Variants in BCL2L14 observed in about 807,000 individuals in gnomAD.
BCL2L14 encodes BCL2 like 14.
In BCL2L14, 27 loss-of-function variants were observed where a neutral mutation model predicts 35.3. The observed-to-expected ratio is 0.76, with a 90% CI of 0.56 to 1.05. The LOEUF (loss-of-function observed/expected upper bound fraction) is 1.05, where lower values mean the gene tolerates loss of function less well. Ranked by LOEUF, BCL2L14 falls within the 50% of genes least tolerant of loss-of-function variation. BCL2L14 has a pLI of 0.00. For synonymous variants in BCL2L14, 139 were observed against 145.9 expected (o/e 0.95, Z 0.34); for missense variants, 377 against 382.6 (o/e 0.99, Z 0.12).
chr12:12,057,511 A>T (rs938470569), intron 2 of BCL2L14, among the ~76,000 whole-genome samples: 7 of 152,146 alleles, frequency 4.6e-5, no homozygotes, highest in African/African-American at 7.2e-5. Flanking sequence ...TAATCCCAGC[A>T]CTTTGGGAGG....
chr12:12,057,755 T>TA (rs370379966), intron 2 of BCL2L14, among the ~76,000 whole-genome samples: 30,494 of 120,292 alleles, frequency 0.25, 4,220 homozygotes, highest in East Asian at 0.65. Context: ...AAAACTCCAT[T>TA]AAAAAAAAAA....
intron 2 of BCL2L14, among the ~76,000 whole-genome samples, chr12:12,063,875 A>G (rs972646402): frequency 1.3e-5 from 2 of 151,088 alleles, no homozygotes; most frequent in African/African-American, 4.9e-5. Flanking sequence ...AAGCTCCCCC[A>G]CTGAGTACCT....
intron 1 of BCL2L14, among the ~76,000 whole-genome samples, chr12:12,051,558 T>G (rs1257259065): frequency 2.1e-5 from 3 of 144,444 alleles, no homozygotes; most frequent in African/African-American, 7.3e-5. Context: ...ATTTACCCCC[T>G]GGTAACTTTC....
chr12:12,082,257 A>G (rs2136754615), intron 2 of BCL2L14, among the ~76,000 whole-genome samples: 1 of 152,306 alleles, frequency 6.6e-6, no homozygotes, highest in East Asian at 1.9e-4. Flanking sequence ...CTGCTCTCTG[A>G]ACTCTGCCCA....
intron 4 of BCL2L14, among the ~76,000 whole-genome samples, chr12:12,092,042 G>A (rs1480374875): frequency 3.3e-5 from 5 of 152,196 alleles, no homozygotes. Context: ...GCCAATACCA[G>A]TTAGCATTTC....
intron 5 of BCL2L14, 80 bp from the exon 6 acceptor site, chr12:12,098,870 G>T: frequency 9.7e-7 from 1 of 1,029,096 alleles, no homozygotes; most frequent in Non-Finnish European, 1.5e-6. Context: ...GCCTGGGATA[G>T]AGCAGAGTTA....
At chr12:12,077,779 A>C (rs1948816664) in intron 1 of BCL2L14, 1 of 210,246 alleles carries the variant, frequency 4.8e-6, no homozygotes, top group Non-Finnish European at 1.0e-5. Context: ...CCACAATCTG[A>C]ATTTGGGACT....
At chr12:12,089,462 G>A (rs889218984) in intron 3 of BCL2L14, among the ~76,000 whole-genome samples, 5 of 151,340 alleles carry the variant, frequency 3.3e-5, no homozygotes, top group East Asian at 1.9e-4. Flanking sequence ...TCGAGAGGCC[G>A]AGGCGGACGG....
At chr12:12,084,655 C>T (rs1264660171) in intron 2 of BCL2L14, among the ~76,000 whole-genome samples, 1 of 152,064 alleles carries the variant, frequency 6.6e-6, no homozygotes, top group African/African-American at 2.4e-5. Context: ...CCAAGTCTGA[C>T]AAGGATATAA....
At position 12,078,799 on chromosome 12, in the gene BCL2L14, G is replaced by GTTTTTTGTTTT. The variant is rs113335017; in HGVS notation, c.-7-498_-7-497insTTTTGTTTTTT. Among the ~76,000 whole-genome samples the GTTTTTTGTTTT allele has an allele frequency of 3.3e-5, 5 of 152,102 alleles. No individual in the cohort carries two copies. The South Asian group carries it at 8.3e-4, about 25-fold the overall frequency. ...TAGTTCATTAGTTCATTCTCTCTCT[G>GTTTTTTGTTTT]TTGTTTTTTGTTTTTTGAGACGGAG... is the stretch of plus-strand genomic sequence containing the variant. On this transcript the variant is annotated intron_variant, in intron 1 of 5. Coordinates refer to ENST00000308721, the MANE Select transcript of BCL2L14 (RefSeq NM_138723.2).
chr12:12,059,883 G>A (rs1029615082), intron 2 of BCL2L14, among the ~76,000 whole-genome samples: 1 of 152,172 alleles, frequency 6.6e-6, no homozygotes, highest in Middle Eastern at 3.4e-3. Flanking sequence ...AATGCTTGTC[G>A]TAAAATAGGC....
At chr12:12,094,564 A>G (rs755854881) in intron 4 of BCL2L14, 100 bp from the exon 5 acceptor site, 4 of 1,614,042 alleles carry the variant, frequency 2.5e-6, no homozygotes, top group African/African-American at 1.3e-5. Flanking sequence ...AGGGTTTTCC[A>G]CAGGATGGTT....
At chr12:12,089,815 C>T (rs1013196737) in intron 3 of BCL2L14, among the ~76,000 whole-genome samples, 9 of 152,182 alleles carry the variant, frequency 5.9e-5, no homozygotes, top group African/African-American at 4.8e-5. Context: ...ATTTATATCC[C>T]ACCTTATTGT....
At chr12:12,058,717 T>G (rs888680167) in intron 2 of BCL2L14, among the ~76,000 whole-genome samples, 5 of 151,928 alleles carry the variant, frequency 3.3e-5, no homozygotes, top group Non-Finnish European at 5.9e-5. Context: ...TGCACCCAGG[T>G]GAAATAAACA....
Position 12,094,873 on chromosome 12 carries a change from T to C in BCL2L14, c.888T>C (p.Phe296=). The stretch of plus-strand genomic sequence containing the variant: ...ACCCGATGAACAGGGTCCTGGGCTT[T>C]GGCACCAAGTACCTGAAAGAGAACT... ...DNHPMNRVLG[F]GTKYLKENFS... The change falls in exon 5 of 6, where the codon TTT becomes TTC. Residue 296 remains phenylalanine (F), a synonymous_variant. Transcript: ENST00000308721. 1 of 1,614,184 alleles carries C rather than the reference T, an allele frequency of 6.2e-7. No homozygotes were observed. Among genetic ancestry groups the C allele is most frequent in the Non-Finnish European group, 8.5e-7 (1 of 1,180,038 alleles).
intron 2 of BCL2L14, among the ~76,000 whole-genome samples, chr12:12,064,937 G>A (rs1431682592): frequency 6.6e-6 from 1 of 152,182 alleles, no homozygotes; most frequent in African/African-American, 2.4e-5. Flanking sequence ...GCCAGTTATA[G>A]CAACACAGCA....
In BCL2L14 at chr12:12,050,432, C is replaced by CAAAA. The variant is rs774928633; in HGVS notation, c.-324+492_-324+495dup. Among the ~76,000 whole-genome samples, 614 of 70,032 alleles carry CAAAA rather than the reference C, an allele frequency of 8.8e-3. 12 individuals are homozygous for CAAAA. The highest frequency in any genetic ancestry group is 0.025 in the African/African-American group (569 of 22,832). The allele number at this position is 70,032 out of a possible 152,430, so 45.9% of individuals were successfully genotyped here. On this transcript the variant is annotated intron_variant, in intron 1 of 3. Transcript: ENST00000461264. ...TGGGCGACAGAGGGAGACACCATCT[C>CAAAA]AAAAAAAAAAAAAAAAAGAAAAGAA...
chr12:12,061,731 A>T (rs1483072173), intron 2 of BCL2L14, among the ~76,000 whole-genome samples: 3 of 152,142 alleles, frequency 2.0e-5, no homozygotes, highest in African/African-American at 4.8e-5. Context: ...TCAGCAAATT[A>T]CCTGGGCTGT....
chr12:12,068,236 T>C, upstream of BCL2L14: 1 of 396,626 alleles, frequency 2.5e-6, no homozygotes, highest in Non-Finnish European at 4.4e-6. Context: ...TGAGCCACTG[T>C]GCATGACCAA....
Sources: allele counts gnomAD v4.1 joint callset (sites outside exome capture counted in the v4.1 genomes callset), GRCh38; gene constraint gnomAD v4.1.1; transcripts MANE v1.5; gene names NCBI Gene and HGNC (gene_info 2026-07-23, HGNC 2026-07-21).